CYYR1: variants seen among roughly 807,000 people sequenced by gnomAD.
CYYR1 encodes cysteine and tyrosine rich 1, also known as cysteine and tyrosine-rich protein 1.
CYYR1 carries 14 observed loss-of-function variants against 15.2 expected under a neutral mutation model. That is an observed-to-expected ratio of 0.92 (90% CI 0.61 to 1.44). The LOEUF (loss-of-function observed/expected upper bound fraction) is 1.44. Among genes scored for constraint, CYYR1 ranks in the 40% most tolerant of loss-of-function variants. The pLI is 0.00. For synonymous variants in CYYR1, 80 were observed against 77.4 expected, an observed-to-expected ratio of 1.03 and a Z score of -0.18; for missense variants, 228 against 209.5, an observed-to-expected ratio of 1.09 and a Z score of -0.54.
rs1482440066 is a variant in CYYR1 at position 26,466,447 on chromosome 21, G to T, written c.*2054C>A. ...TAGTAAAAATACTCATCTATTGTAG[G>T]CTTATGGGTTTGTAAAATGCCTTAA... On this transcript the variant is annotated 3_prime_UTR_variant, in exon 4 of 4. Transcript: ENST00000652641. 1 of 152,120 alleles carries T rather than the reference G, an allele frequency of 6.6e-6. No homozygotes were observed. The highest frequency in any genetic ancestry group is 1.5e-5 in the Non-Finnish European group (1 of 68,016). 9.4% of individuals were successfully genotyped at this position (152,120 alleles called of 1,614,324 possible). A position where few individuals can be genotyped will look rare whatever the true frequency, so the allele number is the denominator to read the frequency against.
chr21:26,506,110 C>T (rs1308932405), intron 2 of CYYR1, among the ~76,000 whole-genome samples: 1 of 152,142 alleles, frequency 6.6e-6, no homozygotes, highest in Non-Finnish European at 1.5e-5. Context: ...GTCAATCGAC[C>T]ACCCATTTCC....
intron 2 of CYYR1, among the ~76,000 whole-genome samples, chr21:26,534,387 A>T (rs1214974306): frequency 1.3e-5 from 2 of 152,106 alleles, no homozygotes; most frequent in African/African-American, 4.8e-5. Context: ...AATGTGCTGA[A>T]TCTTTTCTTG....
At chr21:26,500,385 G>A (rs182528338) in intron 2 of CYYR1, among the ~76,000 whole-genome samples, 237 of 152,318 alleles carry the variant, frequency 1.6e-3, no homozygotes, top group African/African-American at 5.4e-3. Context: ...TAGGTCCTGA[G>A]AGTACCACCT....
At chr21:26,483,771 A>C (rs1252537386) in intron 2 of CYYR1, among the ~76,000 whole-genome samples, 2 of 152,114 alleles carry the variant, frequency 1.3e-5, no homozygotes, top group African/African-American at 4.8e-5. Context: ...GTGTAAAAGC[A>C]TGATCTCTGA....
chr21:26,512,128 C>A (rs533143622), intron 2 of CYYR1, among the ~76,000 whole-genome samples: 1 of 152,198 alleles, frequency 6.6e-6, no homozygotes, highest in East Asian at 1.9e-4. Context: ...TAATAAACAG[C>A]ATCAATGGAT....
intron 2 of CYYR1, among the ~76,000 whole-genome samples, chr21:26,512,087 T>C (rs1456608380): frequency 6.6e-6 from 1 of 152,138 alleles, no homozygotes; most frequent in Non-Finnish European, 1.5e-5. Flanking sequence ...GTCTATTTCT[T>C]ATACAGACAA....
chr21:26,511,987 T>TACACAC (rs61382991), intron 2 of CYYR1, among the ~76,000 whole-genome samples: 10,231 of 148,006 alleles, frequency 0.069, 440 homozygotes, highest in South Asian at 0.14. Context: ...ATATCACACA[T>TACACAC]ACACACACAC....
chr21:26,516,127 T>C (rs2065724260), intron 2 of CYYR1, among the ~76,000 whole-genome samples: 1 of 152,212 alleles, frequency 6.6e-6, no homozygotes, highest in Non-Finnish European at 1.5e-5. Flanking sequence ...TTATTTGGTG[T>C]ATAATCTGAT....
In CYYR1 at chr21:26,542,134, C is replaced by CAA. The variant is rs1468177844; in HGVS notation, c.176+24130_176+24131dup. Among the ~76,000 whole-genome samples, 12 of 144,030 alleles carry CAA rather than the reference C, an allele frequency of 8.3e-5. No individual in the cohort carries two copies. In the East Asian group the frequency reaches 2.3e-3, roughly 28 times the overall value. The allele number at this position is 144,030 out of a possible 152,430, so 94.5% of individuals were successfully genotyped here. A position where few individuals can be genotyped will look rare whatever the true frequency, so the allele number is the denominator to read the frequency against. On this transcript the variant is annotated intron_variant, in intron 2 of 3. Transcript: ENST00000652641. ...GTCTACATGAAAGGTACTTTGAATA[C>CAA]AAAAAAATCAAGTAGATGCCCTCTG... is the stretch of plus-strand genomic sequence containing the variant.
At chr21:26,491,583 G>A (rs1179152047) in intron 2 of CYYR1, among the ~76,000 whole-genome samples, 1 of 152,104 alleles carries the variant, frequency 6.6e-6, no homozygotes, top group Non-Finnish European at 1.5e-5. Flanking sequence ...TCTGCTTTTT[G>A]GGGGCAGCTG....
chr21:26,550,138 C>T (rs963165173), intron 2 of CYYR1, among the ~76,000 whole-genome samples: 1 of 152,106 alleles, frequency 6.6e-6, no homozygotes, highest in Non-Finnish European at 1.5e-5. Flanking sequence ...TTCACTATAT[C>T]TTTTTCATTA....
At position 26,553,703 on chromosome 21, in the gene CYYR1, C is replaced by T. The variant is rs73898258; in HGVS notation, c.176+12563G>A. 5.9e-3 allele frequency among the ~76,000 whole-genome samples: 903 copies of T among 152,270 alleles called. 8 individuals are homozygous for T. The highest frequency in any genetic ancestry group is 0.021 in the African/African-American group (860 of 41,554). ...AGCTGCTTCGTGCATTCTGTCCACG[C>T]TCTCCATAGTTATGCTCAGTAGGAG... On this transcript the variant is annotated intron_variant, in intron 2 of 3. Coordinates refer to ENST00000652641, the MANE Select transcript of CYYR1 (RefSeq NM_001320768.2).
chr21:26,480,245 C>T (rs1452778957), intron 3 of CYYR1, 27 bp downstream of exon 3: 2 of 1,581,548 alleles, frequency 1.3e-6, no homozygotes. Flanking sequence ...CAAATCTGAG[C>T]CTTCGAGAGT....
chr21:26,556,926 T>G (rs1979831651), intron 2 of CYYR1, among the ~76,000 whole-genome samples: 1 of 152,088 alleles, frequency 6.6e-6, no homozygotes, highest in Admixed American at 6.6e-5. Context: ...AAATATAGCG[T>G]TTAGGTCTTC....
chr21:26,500,494 G>A (rs1475649701), intron 2 of CYYR1, among the ~76,000 whole-genome samples: 4 of 152,166 alleles, frequency 2.6e-5, no homozygotes, highest in African/African-American at 9.7e-5. Context: ...GCAGACACTT[G>A]TAGCAGATGC....
chr21:26,543,023 A>C (rs533426568), intron 2 of CYYR1, among the ~76,000 whole-genome samples: 1 of 152,364 alleles, frequency 6.6e-6, no homozygotes, highest in East Asian at 1.9e-4. Flanking sequence ...TTTGTCTGCT[A>C]TAAAAAGATT....
chr21:26,511,037 C>T (rs980855625), intron 2 of CYYR1, among the ~76,000 whole-genome samples: 3 of 152,152 alleles, frequency 2.0e-5, no homozygotes, highest in African/African-American at 7.2e-5. Flanking sequence ...GCCAAATGAA[C>T]ACATTATCCC....
intron 2 of CYYR1, among the ~76,000 whole-genome samples, chr21:26,481,651 C>A (rs2065182539): frequency 6.6e-6 from 1 of 151,918 alleles, no homozygotes; most frequent in Middle Eastern, 3.2e-3. Flanking sequence ...TAGGTTGATT[C>A]CATGTCTTTT....
intron 2 of CYYR1, among the ~76,000 whole-genome samples, chr21:26,557,993 C>T (rs955450131): frequency 2.0e-5 from 3 of 152,222 alleles, no homozygotes; most frequent in Admixed American, 2.0e-4. Flanking sequence ...CTTAGGTCCA[C>T]ATCCCATCAG....
Sources: allele counts gnomAD v4.1 joint callset (sites outside exome capture counted in the v4.1 genomes callset), GRCh38; gene constraint gnomAD v4.1.1; transcripts MANE v1.5; gene names NCBI Gene and HGNC (gene_info 2026-07-23, HGNC 2026-07-21).